FAM135A: variants seen among roughly 807,000 people sequenced by gnomAD.
The protein encoded by FAM135A is protein FAM135A.
FAM135A carries 79 observed loss-of-function variants against 146.8 expected under a neutral mutation model. The ratio of observed to expected loss-of-function variants is 0.54; its 90% CI spans 0.45 to 0.65. The LOEUF (loss-of-function observed/expected upper bound fraction) is 0.65. FAM135A is among the 30% of genes least tolerant of loss of function. FAM135A has a pLI of 0.00. For missense variants in FAM135A, 1,623 were observed against 1,758.2 expected, an observed-to-expected ratio of 0.92 and a Z score of 1.38; for synonymous variants, 562 against 603.6, an observed-to-expected ratio of 0.93 and a Z score of 1.01.
intron 5 of FAM135A, among the ~76,000 whole-genome samples, chr6:70,462,604 C>T (rs57219733): frequency 6.6e-6 from 1 of 151,012 alleles, no homozygotes; most frequent in Non-Finnish European, 1.5e-5. Flanking sequence ...TTTAGACTTA[C>T]AAGAAATCAG....
intron 12 of FAM135A, among the ~76,000 whole-genome samples, chr6:70,516,162 A>G (rs537510246): frequency 1.3e-5 from 2 of 152,314 alleles, no homozygotes; most frequent in South Asian, 4.1e-4. Flanking sequence ...AGTTGACATT[A>G]AAATAGAAGT....
At chr6:70,416,603 GTTGT>G (rs1767629644) in intron 2 of FAM135A, among the ~76,000 whole-genome samples, 1 of 152,116 alleles carries the variant, frequency 6.6e-6, no homozygotes, top group Non-Finnish European at 1.5e-5. Flanking sequence ...TTTTTCATGA[GTTGT>G]TTGTCAGGAA....
intron 11 of FAM135A, among the ~76,000 whole-genome samples, chr6:70,495,387 A>G (rs1208331848): frequency 1.3e-5 from 2 of 152,166 alleles, no homozygotes; most frequent in South Asian, 2.1e-4. Flanking sequence ...TGTACCAGTA[A>G]TTAGAGTCAC....
intron 20 of FAM135A, among the ~76,000 whole-genome samples, chr6:70,555,231 A>G (rs1237167986): frequency 1.3e-5 from 2 of 152,072 alleles, no homozygotes; most frequent in Non-Finnish European, 2.9e-5. Flanking sequence ...AAAAAAACAC[A>G]TCTGGAGGTT....
At chr6:70,484,820 T>C (rs906036897) in intron 10 of FAM135A, among the ~76,000 whole-genome samples, 18 of 152,196 alleles carry the variant, frequency 1.2e-4, no homozygotes, top group African/African-American at 4.3e-4. Flanking sequence ...AGTCTGGGTG[T>C]TGGGGTTAGA....
chr6:70,449,879 A>G (rs1582192503), intron 4 of FAM135A, among the ~76,000 whole-genome samples: 2 of 152,284 alleles, frequency 1.3e-5, no homozygotes, highest in Admixed American at 6.5e-5. Flanking sequence ...ATTCTCACCA[A>G]TAGTGTGCAG....
intron 2 of FAM135A, among the ~76,000 whole-genome samples, chr6:70,421,670 G>T (rs1400373657): frequency 6.6e-6 from 1 of 152,120 alleles, no homozygotes; most frequent in South Asian, 2.1e-4. Context: ...AGTTTACTTG[G>T]CTGGATTCTC....
chr6:70,531,850 A>C (rs1273674873), intron 16 of FAM135A, among the ~76,000 whole-genome samples: 2 of 149,434 alleles, frequency 1.3e-5, no homozygotes, highest in Non-Finnish European at 3.0e-5. Context: ...CCATTTTAGC[A>C]GAATGTTGTT....
intron 4 of FAM135A, among the ~76,000 whole-genome samples, chr6:70,445,629 A>C (rs548323837): frequency 6.6e-6 from 1 of 152,308 alleles, no homozygotes; most frequent in East Asian, 1.9e-4. Context: ...CTGCAGCAGG[A>C]GCATGTCCTT....
chr6:70,522,469 T>TA (rs761740220), intron 12 of FAM135A, 44 bp from the exon 13 acceptor site: 194 of 1,565,436 alleles, frequency 1.2e-4, no homozygotes, highest in Non-Finnish European at 1.7e-4. Flanking sequence ...GATTGACTTT[T>TA]TAAATACGTC....
At chr6:70,509,417 A>G (rs1790501923) in intron 12 of FAM135A, among the ~76,000 whole-genome samples, 1 of 152,162 alleles carries the variant, frequency 6.6e-6, no homozygotes, top group Admixed American at 6.5e-5. Context: ...TTTGTTACTA[A>G]TGCTTTATTG....
At chr6:70,512,806 CT>C (rs1342381939) in intron 12 of FAM135A, among the ~76,000 whole-genome samples, 2 of 151,654 alleles carry the variant, frequency 1.3e-5, no homozygotes, top group Admixed American at 1.3e-4. Context: ...TACAATTTAT[CT>C]TTTTTTCTTT....
Position 70,480,949 on chromosome 6 carries a change from A to C in FAM135A, c.591A>C (p.Ala197=). 1 of 1,612,986 alleles carries C rather than the reference A, an allele frequency of 6.2e-7. No homozygotes were observed. The highest frequency in any genetic ancestry group is 8.5e-7 in the Non-Finnish European group (1 of 1,179,412). The change falls in exon 9 of 22, where the codon GCA becomes GCC. Residue 197 remains alanine, a synonymous_variant. Coordinates refer to ENST00000418814, the MANE Select transcript of FAM135A (RefSeq NM_001162529.3). ...CTTGGTTAAATAGAAATGCACCAGC[A>C]CAAAACAAAGATTCCGTGATTCCTA... is the stretch of plus-strand genomic sequence containing the variant. ...KTTWLNRNAP[A]QNKDSVIPTL...
At chr6:70,440,680 T>C (rs1319530016) in intron 4 of FAM135A, among the ~76,000 whole-genome samples, 1 of 152,196 alleles carries the variant, frequency 6.6e-6, no homozygotes, top group Non-Finnish European at 1.5e-5. Flanking sequence ...AAGAGCTTTT[T>C]TGTACATATA....
At chr6:70,482,568 A>G (rs1302507387) in intron 10 of FAM135A, among the ~76,000 whole-genome samples, 1 of 152,164 alleles carries the variant, frequency 6.6e-6, no homozygotes, top group Non-Finnish European at 1.5e-5. Context: ...ATTTTATAAT[A>G]GTTATCTCAG....
Position 70,466,087 on chromosome 6 carries a change from G to GT in FAM135A, c.158-9316dup, listed in dbSNP as rs540193311. On this transcript the variant is annotated intron_variant, in intron 5 of 21. Transcript: ENST00000418814. ...TAGGTGAGGTCAGGGAAAATGGTTGGTTTTTTTGTTCAGTCCACTTAGCTG... is the reference window on the plus strand; with the variant it reads ...TAGGTGAGGTCAGGGAAAATGGTTGGTTTTTTTTGTTCAGTCCACTTAGCTG... Among the ~76,000 whole-genome samples the GT allele has an allele frequency of 5.6e-3, 859 of 152,194 alleles. 3 individuals are homozygous for GT. Among genetic ancestry groups the GT allele is most frequent in the Non-Finnish European group, 8.2e-3 (559 of 68,006 alleles).
intron 13 of FAM135A, 131 bp downstream of exon 13, chr6:70,522,717 A>G: frequency 1.5e-6 from 1 of 676,360 alleles, no homozygotes; most frequent in East Asian, 2.8e-5. Context: ...AATTTCAGAA[A>G]TCCCATCTAT....
At chr6:70,519,905 A>G (rs1452275524) in intron 12 of FAM135A, among the ~76,000 whole-genome samples, 1 of 139,296 alleles carries the variant, frequency 7.2e-6, no homozygotes, top group Non-Finnish European at 1.5e-5. Flanking sequence ...TATAGGTATG[A>G]TATGATATAT....
chr6:70,436,945 G>C (rs1342998238), intron 4 of FAM135A, among the ~76,000 whole-genome samples: 1 of 152,084 alleles, frequency 6.6e-6, no homozygotes, highest in African/African-American at 2.4e-5. Context: ...CAATTAACTA[G>C]CTTTAAAGGA....
Sources: gnomAD v4.1 joint callset for allele counts (sites outside exome capture counted in the v4.1 genomes callset) on GRCh38, gnomAD v4.1.1 for gene constraint, MANE v1.5 for transcripts, NCBI Gene and HGNC (gene_info 2026-07-23, HGNC 2026-07-21) for gene names.